RAB33B: variants seen among roughly 807,000 people sequenced by gnomAD.
RAB33B encodes RAB33B, member RAS oncogene family.
Under a neutral mutation model 15.0 loss-of-function variants are expected in RAB33B, and 6 were observed. The observed-to-expected ratio is 0.40, with a 90% CI of 0.22 to 0.79. The LOEUF is 0.79. RAB33B is among the 30% of genes least tolerant of loss of function. The probability of loss-of-function intolerance (pLI) is 0.37; values close to 1 mark genes in which losing one functional copy is unlikely to be tolerated. For synonymous variants in RAB33B, 117 were observed against 108.3 expected, an observed-to-expected ratio of 1.08 and a Z score of -0.50; for missense variants, 257 against 296.4, an observed-to-expected ratio of 0.87 and a Z score of 0.98.
In RAB33B at chr4:139,475,979, C is replaced by T. The variant is rs79815498; in HGVS notation, c.*2853C>T. On this transcript the variant is annotated 3_prime_UTR_variant, in exon 2 of 2. Transcript: ENST00000305626. ...TATAAAATAAAACAATCTTTTTTTC[C>T]TCCTGGTTTCCAGATAATATTATAT... 2.0e-5 allele frequency: 3 copies of T among 151,716 alleles called. No homozygotes were observed. Among genetic ancestry groups the T allele is most frequent in the Non-Finnish European group, 2.9e-5 (2 of 67,952 alleles). 9.4% of individuals were successfully genotyped at this position (151,716 alleles called of 1,614,324 possible). A position where few individuals can be genotyped will look rare whatever the true frequency, so the allele number is the denominator to read the frequency against.
In RAB33B at chr4:139,473,078, A is replaced by G; in HGVS notation, c.642A>G (p.Gly214=). Residue 214 remains glycine (G), a synonymous_variant, in exon 2 of 2, where the codon GGA becomes GGG. Coordinates refer to ENST00000305626, the MANE Select transcript of RAB33B (RefSeq NM_031296.3). ...PLMLSQPPDN[G]IILKPEPKPA... ...TGCTTAGTCAGCCCCCTGATAATGG[A>G]ATTATCCTGAAGCCTGAACCAAAGC... is the stretch of plus-strand genomic sequence containing the variant. 6.2e-7 allele frequency: 1 copy of G among 1,613,654 alleles called. No homozygotes were observed. Among genetic ancestry groups the G allele is most frequent in the Non-Finnish European group, 8.5e-7 (1 of 1,179,778 alleles).
intron 1 of RAB33B, among the ~76,000 whole-genome samples, chr4:139,465,314 A>G (rs1367865165): frequency 6.6e-6 from 1 of 152,200 alleles, no homozygotes; most frequent in Non-Finnish European, 1.5e-5. Context: ...GGTAGATTGC[A>G]AAAATTTTCT....
In RAB33B at chr4:139,476,248, A is replaced by G. The variant is rs114992995; in HGVS notation, c.*3122A>G. ...TTTAGACGTAAAAGCATTTAACAGA[A>G]TGAATAACTATAGAAAGTATGAGAA... is the stretch of plus-strand genomic sequence containing the variant. On this transcript the variant is annotated 3_prime_UTR_variant, in exon 2 of 2. Transcript: ENST00000305626. 219 of 152,324 alleles carry G rather than the reference A, an allele frequency of 1.4e-3. No homozygotes were observed. Among genetic ancestry groups the G allele is most frequent in the African/African-American group, 5.0e-3 (208 of 41,574 alleles). The allele number at this position is 152,324 out of a possible 1,614,324, so 9.4% of individuals were successfully genotyped here.
chr4:139,441,258 A>G, the RAB33B span, among the ~76,000 whole-genome samples: 4 of 152,366 alleles, frequency 2.6e-5, no homozygotes, highest in Non-Finnish European at 4.4e-5. Context: ...GCAAAACTTC[A>G]TAACACGGCT....
At chr4:139,442,459 T>C in the RAB33B span, among the ~76,000 whole-genome samples, 1 of 152,170 alleles carries the variant, frequency 6.6e-6, no homozygotes, top group Non-Finnish European at 1.5e-5. Context: ...CCTGTGTGTG[T>C]CTGTGAGGGT....
the RAB33B span, among the ~76,000 whole-genome samples, chr4:139,443,117 C>G: frequency 6.6e-6 from 1 of 151,956 alleles, no homozygotes; most frequent in African/African-American, 2.4e-5. Flanking sequence ...CTCAGCCTCC[C>G]GAGTAGCTGG....
At chr4:139,464,802 G>T (rs1289427718) in intron 1 of RAB33B, among the ~76,000 whole-genome samples, 1 of 152,134 alleles carries the variant, frequency 6.6e-6, no homozygotes, top group Admixed American at 6.5e-5. Flanking sequence ...TGGACATTTG[G>T]GTTGGTTCCA....
chr4:139,460,803 C>T (rs1750156966), intron 1 of RAB33B, among the ~76,000 whole-genome samples: 1 of 152,174 alleles, frequency 6.6e-6, no homozygotes, highest in South Asian at 2.1e-4. Flanking sequence ...GGTCCTGGGG[C>T]TGGCATGGTG....
chr4:139,454,571 G>A, intron 1 of RAB33B, 127 bp downstream of exon 1: 2 of 1,100,158 alleles, frequency 1.8e-6, no homozygotes, highest in South Asian at 1.6e-5. Flanking sequence ...TGAGATTGGA[G>A]TTGGGGATTG....
Position 139,474,515 on chromosome 4 carries a change from T to C in RAB33B, c.*1389T>C, listed in dbSNP as rs1346217239. The C allele has an allele frequency of 2.0e-5, 3 of 152,538 alleles. No homozygotes were observed. Among genetic ancestry groups the C allele is most frequent in the Non-Finnish European group, 2.9e-5 (2 of 68,044 alleles). The allele number at this position is 152,538 out of a possible 1,614,324, so 9.4% of individuals were successfully genotyped here. ...AACAAATCAACTTCCATTTGGATTG[T>C]AGGTGTGAAGGCACAACTCTAATTG... On this transcript the variant is annotated 3_prime_UTR_variant, in exon 2 of 2. Transcript: ENST00000305626.
chr4:139,440,438 G>C, the RAB33B span, among the ~76,000 whole-genome samples: 1 of 152,176 alleles, frequency 6.6e-6, no homozygotes, highest in Non-Finnish European at 1.5e-5. Flanking sequence ...GTGATCACGA[G>C]TGGCAGTTAG....
At chr4:139,464,394 T>G (rs1324725559) in intron 1 of RAB33B, among the ~76,000 whole-genome samples, 26 of 146,818 alleles carry the variant, frequency 1.8e-4, no homozygotes, top group African/African-American at 5.3e-4. Context: ...CTGTTTTTTT[T>G]TTTTTTTTTT....
chr4:139,472,080 G>A (rs1045167367), intron 1 of RAB33B, among the ~76,000 whole-genome samples: 1 of 152,156 alleles, frequency 6.6e-6, no homozygotes, highest in African/African-American at 2.4e-5. Context: ...TCTTAGGCCA[G>A]TTTCACACAG....
chr4:139,439,377 T>C, the RAB33B span, among the ~76,000 whole-genome samples: 1 of 152,232 alleles, frequency 6.6e-6, no homozygotes, highest in African/African-American at 2.4e-5. Context: ...TCTTCTGGCT[T>C]CCAAAGTTTT....
At chr4:139,459,435 C>T (rs1750127618) in intron 1 of RAB33B, among the ~76,000 whole-genome samples, 1 of 152,016 alleles carries the variant, frequency 6.6e-6, no homozygotes, top group South Asian at 2.1e-4. Context: ...GACCCTGTCT[C>T]TTAAAAACAA....
intron 1 of RAB33B, among the ~76,000 whole-genome samples, chr4:139,464,508 T>G (rs1263258645): frequency 6.7e-6 from 1 of 149,974 alleles, no homozygotes; most frequent in Non-Finnish European, 1.5e-5. Context: ...ATCATTTACA[T>G]TAGGTATTTC....
At chr4:139,462,146 C>T (rs907812385) in intron 1 of RAB33B, among the ~76,000 whole-genome samples, 8 of 151,250 alleles carry the variant, frequency 5.3e-5, no homozygotes, top group Middle Eastern at 3.2e-3. Context: ...CTCCGCCTCC[C>T]GGGTTCACGC....
chr4:139,461,116 A>T, intron 1 of RAB33B, among the ~76,000 whole-genome samples: 1 of 152,182 alleles, frequency 6.6e-6, no homozygotes, highest in Non-Finnish European at 1.5e-5. Flanking sequence ...AAAAGCCTAG[A>T]AGTAAATTTC....
chr4:139,450,208 C>T (rs1355106570), upstream of RAB33B: 2 of 152,180 alleles, frequency 1.3e-5, no homozygotes, highest in Non-Finnish European at 2.9e-5. Flanking sequence ...GAAGATATGA[C>T]TTGAAGAATT....
Sources: allele counts gnomAD v4.1 joint callset (sites outside exome capture counted in the v4.1 genomes callset), GRCh38; gene constraint gnomAD v4.1.1; transcripts MANE v1.5; gene names NCBI Gene and HGNC (gene_info 2026-07-23, HGNC 2026-07-21).